Variants in RAPGEF1 observed in about 807,000 individuals in gnomAD.
RAPGEF1 encodes Rap guanine nucleotide exchange factor 1, also known as CRK SH3-binding GNRP.
RAPGEF1 carries 33 observed loss-of-function variants against 143.3 expected under a neutral mutation model. The observed-to-expected ratio is 0.23, with a 90% CI of 0.17 to 0.31. The LOEUF is 0.31. Ranked by LOEUF, RAPGEF1 falls within the 10% of genes least tolerant of loss-of-function variation. RAPGEF1 has a pLI of 1.00. For missense variants in RAPGEF1, 1,199 were observed against 1,645.4 expected, an observed-to-expected ratio of 0.73 and a Z score of 4.69; for synonymous variants, 629 against 676.5, an observed-to-expected ratio of 0.93 and a Z score of 1.09.
intron 12 of RAPGEF1, among the ~76,000 whole-genome samples, chr9:131,618,180 C>CAAG (rs1959392803): frequency 2.0e-5 from 3 of 152,248 alleles, no homozygotes; most frequent in African/African-American, 7.2e-5. Flanking sequence ...TGAGCTGAGG[C>CAAG]CCTAAGGGGC....
At chr9:131,633,911 T>C (rs575450596) in intron 5 of RAPGEF1, among the ~76,000 whole-genome samples, 24 of 152,316 alleles carry the variant, frequency 1.6e-4, no homozygotes, top group Admixed American at 5.9e-4. Context: ...CTACTGAAGG[T>C]AGAATTTTTT....
intron 12 of RAPGEF1, among the ~76,000 whole-genome samples, chr9:131,616,215 C>T (rs1026513228): frequency 7.2e-5 from 11 of 152,032 alleles, no homozygotes; most frequent in Non-Finnish European, 1.5e-4. Context: ...TGCAGTGAGC[C>T]GAGATCGTGC....
rs1837644626 is a variant in RAPGEF1 at position 131,739,924 on chromosome 9, T to C, written c.-94A>G. Reference sequence around the variant, plus strand: ...GCCACGCCTCAGACCCGCGCCGGCATGGCGGGCTCCGCGCGGCCGCGGCCC... The same window carrying C: ...GCCACGCCTCAGACCCGCGCCGGCACGGCGGGCTCCGCGCGGCCGCGGCCC... On this transcript the variant is annotated 5_prime_UTR_variant, in exon 1 of 27. It removes an upstream start codon present in the reference 5' UTR. Transcript: ENST00000683357. The C allele has an allele frequency of 4.0e-6, 3 of 741,304 alleles. No homozygotes were observed. Among genetic ancestry groups the C allele is most frequent in the Non-Finnish European group, 4.9e-6 (3 of 610,442 alleles). 45.9% of individuals were successfully genotyped at this position (741,304 alleles called of 1,614,324 possible).
intron 1 of RAPGEF1, among the ~76,000 whole-genome samples, chr9:131,737,923 G>T (rs1386769680): frequency 6.7e-6 from 1 of 150,240 alleles, no homozygotes; most frequent in African/African-American, 2.5e-5. Flanking sequence ...AGCCGAGATC[G>T]CACCACTGCA....
chr9:131,739,681 A>C, intron 1 of RAPGEF1, 89 bp downstream of exon 1: 3 of 955,384 alleles, frequency 3.1e-6, no homozygotes, highest in South Asian at 9.5e-5. Context: ...AGGGCCGCAC[A>C]TCCCGGGCGA....
chr9:131,638,575 C>A, intron 5 of RAPGEF1, 60 bp downstream of exon 5: 1 of 1,584,162 alleles, frequency 6.3e-7, no homozygotes, highest in African/African-American at 1.3e-5. Flanking sequence ...ATGTGACAAG[C>A]ACCAGCAGGC....
chr9:131,594,063 GGCCACACCACCCGCAA>G (rs1418190476), intron 17 of RAPGEF1, among the ~76,000 whole-genome samples: 3 of 152,136 alleles, frequency 2.0e-5, no homozygotes, highest in Non-Finnish European at 4.4e-5. Flanking sequence ...CCAGGCACGA[GGCCACACCACCCGCAA>G]GCAATGTGGC....
intron 1 of RAPGEF1, among the ~76,000 whole-genome samples, chr9:131,716,219 C>T (rs1835851787): frequency 1.3e-5 from 2 of 152,198 alleles, no homozygotes; most frequent in Admixed American, 6.5e-5. Flanking sequence ...GGCTCAGAAC[C>T]TGTCCCTTGC....
intron 3 of RAPGEF1, among the ~76,000 whole-genome samples, chr9:131,647,255 T>C (rs1400819004): frequency 1.3e-5 from 2 of 152,234 alleles, no homozygotes; most frequent in South Asian, 2.1e-4. Flanking sequence ...GACAACAGAA[T>C]ATAGTGAGAA....
intron 1 of RAPGEF1, among the ~76,000 whole-genome samples, chr9:131,715,778 T>C (rs552151704): frequency 6.8e-6 from 1 of 147,604 alleles, no homozygotes; most frequent in Admixed American, 7.0e-5. Flanking sequence ...GGCAGAAGAA[T>C]CACTTGAACC....
chr9:131,605,312 CA>C, intron 12 of RAPGEF1, 124 bp from the exon 13 acceptor site: 2 of 900,886 alleles, frequency 2.2e-6, no homozygotes, highest in South Asian at 3.4e-5. Flanking sequence ...AACGGGCCAC[CA>C]ATCACGCCAA....
intron 20 of RAPGEF1, among the ~76,000 whole-genome samples, 196 bp downstream of exon 20, chr9:131,588,605 A>G (rs1953612818): frequency 6.6e-6 from 1 of 152,168 alleles, no homozygotes; most frequent in African/African-American, 2.4e-5. Flanking sequence ...CTGGTCACAA[A>G]GGGATCACCA....
intron 12 of RAPGEF1, among the ~76,000 whole-genome samples, chr9:131,617,211 G>C (rs1959140779): frequency 6.6e-6 from 1 of 152,222 alleles, no homozygotes; most frequent in Non-Finnish European, 1.5e-5. Flanking sequence ...CAAAAATCTA[G>C]CTCAGTCAAG....
At chr9:131,627,791 T>C in intron 9 of RAPGEF1, 122 bp downstream of exon 9, 1 of 1,030,186 alleles carries the variant, frequency 9.7e-7, no homozygotes, top group South Asian at 1.6e-5. Flanking sequence ...GCTCAGATTT[T>C]AAACAAGTCA....
intron 1 of RAPGEF1, among the ~76,000 whole-genome samples, chr9:131,657,578 T>C (rs1285458714): frequency 6.6e-6 from 1 of 151,648 alleles, no homozygotes; most frequent in Non-Finnish European, 1.5e-5. Flanking sequence ...TCTGCAGCGA[T>C]GGAGGCGGCC....
intron 1 of RAPGEF1, among the ~76,000 whole-genome samples, chr9:131,688,381 T>A (rs1278682128): frequency 3.3e-5 from 5 of 152,178 alleles, no homozygotes. Flanking sequence ...CAGCAACAAG[T>A]GTCCTGTATT....
Position 131,676,853 on chromosome 9 carries a change from G to A in RAPGEF1, c.62-25904C>T, listed in dbSNP as rs986606376. 3.9e-5 allele frequency among the ~76,000 whole-genome samples: 6 copies of A among 152,204 alleles called. No individual in the cohort carries two copies. The South Asian group carries it at 8.3e-4, about 21-fold the overall frequency. ...CAAAGTGTGGTCCTGAACCAACAACGACGGCAGCTTCACCAAGAGACTTCT... is the reference window on the plus strand; with the variant it reads ...CAAAGTGTGGTCCTGAACCAACAACAACGGCAGCTTCACCAAGAGACTTCT... On this transcript the variant is annotated intron_variant, in intron 1 of 26. Coordinates refer to ENST00000683357, the MANE Select transcript of RAPGEF1 (RefSeq NM_001377935.1).
intron 1 of RAPGEF1, among the ~76,000 whole-genome samples, chr9:131,721,010 G>A (rs547928263): frequency 6.6e-6 from 1 of 152,274 alleles, no homozygotes; most frequent in African/African-American, 2.4e-5. Context: ...AACCATCCCA[G>A]ATTTTGATGC....
intron 24 of RAPGEF1, among the ~76,000 whole-genome samples, chr9:131,582,999 C>T (rs1039803664): frequency 1.6e-4 from 25 of 152,194 alleles, no homozygotes; most frequent in African/African-American, 5.6e-4. Flanking sequence ...TGTGTGTATA[C>T]GACATCCCGG....
Sources: gnomAD v4.1 joint callset for allele counts (sites outside exome capture counted in the v4.1 genomes callset) on GRCh38, gnomAD v4.1.1 for gene constraint, MANE v1.5 for transcripts, NCBI Gene and HGNC (gene_info 2026-07-23, HGNC 2026-07-21) for gene names.